The following TTC6 variants were observed in gnomAD, a reference collection of about 807,000 sequenced individuals.
TTC6 encodes tetratricopeptide repeat domain 6, also known as tetratricopeptide repeat protein 6.
In TTC6, 172 loss-of-function variants were observed where a neutral mutation model predicts 210.4. The observed-to-expected ratio is 0.82, with a 90% CI of 0.72 to 0.93. The LOEUF is 0.93. Ranked by LOEUF, TTC6 falls within the 40% of genes least tolerant of loss-of-function variation. The probability of loss-of-function intolerance (pLI) is 0.00; values close to 1 mark genes in which losing one functional copy is unlikely to be tolerated. For missense variants in TTC6, 2,414 were observed against 2,318.1 expected, an observed-to-expected ratio of 1.04 and a Z score of -0.85; for synonymous variants, 804 against 819.6, an observed-to-expected ratio of 0.98 and a Z score of 0.32.
intron 20 of TTC6, among the ~76,000 whole-genome samples, chr14:37,800,915 T>C (rs986303288): frequency 2.6e-5 from 4 of 152,096 alleles, no homozygotes; most frequent in Non-Finnish European, 5.9e-5. Context: ...ACAACTCAGC[T>C]GCAAACACGT....
chr14:37,613,077 G>T (rs1457915637), intron 2 of TTC6, among the ~76,000 whole-genome samples: 10 of 152,070 alleles, frequency 6.6e-5, no homozygotes, highest in African/African-American at 2.4e-4. Context: ...TAGGGGGAAA[G>T]CATAAATATA....
chr14:37,823,964 T>TCC lies in TTC6; in HGVS notation c.4974+7_4974+8insCC, dbSNP rs762973904. The TCC allele has an allele frequency of 3.1e-6, 5 of 1,612,094 alleles. No individual in the cohort carries two copies. In the African/African-American group the frequency reaches 6.7e-5, roughly 22 times the overall value. On this transcript the variant is annotated splice_region_variant and intron_variant, in intron 27 of 30. Transcript: ENST00000553443. ...TTTTGGCTATAATTTGCAGGTAATA[T>TCC]AGCAACATTTTGAGCATTAAAAGCA...
chr14:37,752,978 C>T (rs901378973), intron 13 of TTC6, 121 bp from the exon 16 acceptor site: 4 of 705,338 alleles, frequency 5.7e-6, no homozygotes, highest in Non-Finnish European at 8.2e-6. Context: ...ATTTTGACAT[C>T]TTCAGATGGT....
intron 1 of TTC6, among the ~76,000 whole-genome samples, chr14:37,627,379 G>A (rs2095662125): frequency 6.6e-6 from 1 of 151,716 alleles, no homozygotes; most frequent in Non-Finnish European, 1.5e-5. Flanking sequence ...AGATATAGAA[G>A]TGTCATGGTG....
At chr14:37,671,396 G>A (rs1287895409) in intron 1 of TTC6, among the ~76,000 whole-genome samples, 1 of 152,128 alleles carries the variant, frequency 6.6e-6, no homozygotes, top group East Asian at 1.9e-4. Flanking sequence ...TGACCATTCA[G>A]GAGGTGGGAA....
chr14:37,617,141 G>A (rs968412568), upstream of TTC6, among the ~76,000 whole-genome samples: 1 of 152,106 alleles, frequency 6.6e-6, no homozygotes, highest in Non-Finnish European at 1.5e-5. Context: ...CTCCCAAAGC[G>A]CTGGGATTGC....
intron 1 of TTC6, among the ~76,000 whole-genome samples, chr14:37,627,748 G>A (rs1289289288): frequency 6.6e-6 from 1 of 152,142 alleles, no homozygotes; most frequent in Non-Finnish European, 1.5e-5. Context: ...ATTGTGAATA[G>A]TGCTGCAATA....
intron 6 of TTC6, among the ~76,000 whole-genome samples, chr14:37,722,163 A>AT (rs1179479454): frequency 6.6e-6 from 1 of 151,994 alleles, no homozygotes; most frequent in Non-Finnish European, 1.5e-5. Context: ...AGCTCGTAGT[A>AT]TGCATCATGG....
intron 29 of TTC6, among the ~76,000 whole-genome samples, chr14:37,831,713 A>T (rs1222570285): frequency 2.6e-5 from 4 of 151,536 alleles, no homozygotes; most frequent in African/African-American, 9.7e-5. Context: ...GATGTTCAAC[A>T]TTTTTTTATA....
intron 1 of TTC6, among the ~76,000 whole-genome samples, chr14:37,669,512 T>C (rs2095754408): frequency 1.3e-5 from 2 of 152,162 alleles, no homozygotes; most frequent in South Asian, 4.1e-4. Flanking sequence ...AATATAATAT[T>C]CCCCTTCCTT....
intron 2 of TTC6, among the ~76,000 whole-genome samples, chr14:37,609,461 T>C (rs1595004123): frequency 1.3e-5 from 2 of 152,246 alleles, no homozygotes; most frequent in Middle Eastern, 6.8e-3. Flanking sequence ...GAACAGAGGT[T>C]CCTAGCACAG....
intron 3 of TTC6, among the ~76,000 whole-genome samples, chr14:37,694,041 G>A (rs1221452513): frequency 6.6e-6 from 1 of 151,986 alleles, no homozygotes; most frequent in Admixed American, 6.6e-5. Context: ...CAGTACATTG[G>A]TTTCAGCAAA....
chr14:37,596,499 A>C (rs1050518139), intron 1 of TTC6, among the ~76,000 whole-genome samples: 1 of 152,204 alleles, frequency 6.6e-6, no homozygotes, highest in Non-Finnish European at 1.5e-5. Flanking sequence ...CTTTACTCTC[A>C]TGAGGCCCTG....
exon 10 of TTC6, chr14:37,738,930 A>G: frequency 6.5e-7 from 1 of 1,535,458 alleles, no homozygotes; most frequent in Non-Finnish European, 8.7e-7. Flanking sequence ...AAAACTGAGG[A>G]GCCCAACTAT....
chr14:37,690,658 G>A (rs913197155), intron 3 of TTC6, among the ~76,000 whole-genome samples: 2 of 151,926 alleles, frequency 1.3e-5, no homozygotes, highest in Admixed American at 1.3e-4. Flanking sequence ...ATCATAAACA[G>A]GTCAATTCAG....
At chr14:37,611,467 T>A (rs559235892) in intron 2 of TTC6, 1 of 152,524 alleles carries the variant, frequency 6.6e-6, no homozygotes, top group East Asian at 1.9e-4. Context: ...TCCGCCTCGC[T>A]AATCCGCTGT....
intron 1 of TTC6, among the ~76,000 whole-genome samples, chr14:37,654,106 C>A (rs2095717648): frequency 1.3e-5 from 2 of 151,678 alleles, no homozygotes; most frequent in African/African-American, 4.9e-5. Context: ...ATGCCCAAAT[C>A]TCATACTGAA....
chr14:37,604,766 T>G (rs1223532965), intron 1 of TTC6, among the ~76,000 whole-genome samples: 1 of 152,142 alleles, frequency 6.6e-6, no homozygotes, highest in East Asian at 1.9e-4. Context: ...AGAACTGAGA[T>G]GAGAAAGCAA....
chr14:37,665,190 C>G lies in TTC6; in HGVS notation c.940-14961C>G, dbSNP rs528683045. On this transcript the variant is annotated intron_variant, in intron 1 of 30. Transcript: ENST00000553443. ...TATAAATCATTCTACCATAAAGATA[C>G]ATGCATGCAAATGTTCATTGCAGCA... 2.0e-5 allele frequency among the ~76,000 whole-genome samples: 3 copies of G among 150,522 alleles called. 1 individual carries two copies. Among genetic ancestry groups the G allele is most frequent in the Non-Finnish European group, 3.0e-5 (2 of 67,054 alleles).
Sources: gnomAD v4.1 joint callset for allele counts (sites outside exome capture counted in the v4.1 genomes callset) on GRCh38, gnomAD v4.1.1 for gene constraint, MANE v1.5 for transcripts, NCBI Gene and HGNC (gene_info 2026-07-23, HGNC 2026-07-21) for gene names.